MASP1: variants seen among roughly 807,000 people sequenced by gnomAD.
The protein encoded by MASP1 is MBL associated serine protease 1, also known as mannan-binding lectin serine protease 1.
Under a neutral mutation model 77.1 loss-of-function variants are expected in MASP1, and 59 were observed. The observed-to-expected ratio is 0.77, with a 90% CI of 0.62 to 0.95. The LOEUF (loss-of-function observed/expected upper bound fraction) is 0.95, where lower values mean the gene tolerates loss of function less well. Ranked by LOEUF, MASP1 falls within the 40% of genes least tolerant of loss-of-function variation. MASP1 has a pLI of 0.00. For synonymous variants in MASP1, 362 were observed against 354.5 expected (o/e 1.02, Z -0.24); for missense variants, 885 against 912.9 (o/e 0.97, Z 0.39).
At chr3:187,291,292 G>A (rs932848468) in intron 1 of MASP1, 4 of 442,392 alleles carry the variant, frequency 9.0e-6, no homozygotes, top group Non-Finnish European at 1.3e-5. Context: ...GGAGGAACAC[G>A]GAAAAATCAG....
intron 5 of MASP1, among the ~76,000 whole-genome samples, chr3:187,255,205 CA>C (rs1328768749): frequency 1.3e-5 from 2 of 152,132 alleles, no homozygotes; most frequent in African/African-American, 4.8e-5. Context: ...CAGCAGAAGT[CA>C]GGGAGATTTG....
chr3:187,234,930 A>G lies in MASP1; in HGVS notation c.*754T>C. 1 of 1,287,180 alleles carries G rather than the reference A, an allele frequency of 7.8e-7. No individual in the cohort carries two copies. The highest frequency in any genetic ancestry group is 1.0e-6 in the Non-Finnish European group (1 of 988,676). 79.7% of individuals were successfully genotyped at this position (1,287,180 alleles called of 1,614,324 possible). A position where few individuals can be genotyped will look rare whatever the true frequency, so the allele number is the denominator to read the frequency against. Reference sequence around the variant, plus strand: ...GTTCCAGGGTGGCATATGGGCCCAAATGTGTTCTGAGTTGACAATGGGAAT... The same window carrying G: ...GTTCCAGGGTGGCATATGGGCCCAAGTGTGTTCTGAGTTGACAATGGGAAT... On this transcript the variant is annotated 3_prime_UTR_variant, in exon 11 of 11. Transcript: ENST00000296280.
rs970864077 is a variant in MASP1 at position 187,234,842 on chromosome 3, G to C, written c.*842C>G. On this transcript the variant is annotated 3_prime_UTR_variant, in exon 11 of 11. Coordinates refer to ENST00000296280, the MANE Select transcript of MASP1 (RefSeq NM_139125.4). Reference sequence around the variant, plus strand: ...AGCCTTTCAGATAATACATTTCAAGGCTGAAAGATTGCTTTGTGCTTGTCT... The same window carrying C: ...AGCCTTTCAGATAATACATTTCAAGCCTGAAAGATTGCTTTGTGCTTGTCT... 18 of 1,287,126 alleles carry C rather than the reference G, an allele frequency of 1.4e-5. No homozygotes were observed. The highest frequency in any genetic ancestry group is 1.8e-5 in the Non-Finnish European group (18 of 988,712). The allele number at this position is 1,287,126 out of a possible 1,614,324, so 79.7% of individuals were successfully genotyped here. A position where few individuals can be genotyped will look rare whatever the true frequency, so the allele number is the denominator to read the frequency against.
At chr3:187,256,572 G>A (rs775983011) in intron 5 of MASP1, 92 bp downstream of exon 5, 30 of 1,190,274 alleles carry the variant, frequency 2.5e-5, no homozygotes, top group Admixed American at 3.6e-5. Flanking sequence ...CTCTATCCTG[G>A]GAGAAGAAGG....
At chr3:187,286,795 G>A (rs548562302) in intron 1 of MASP1, among the ~76,000 whole-genome samples, 2 of 152,194 alleles carry the variant, frequency 1.3e-5, no homozygotes, top group East Asian at 1.9e-4. Flanking sequence ...CTAACAGACC[G>A]ATTCCCCTGT....
At chr3:187,268,132 A>G (rs1716196144) in intron 2 of MASP1, among the ~76,000 whole-genome samples, 1 of 152,222 alleles carries the variant, frequency 6.6e-6, no homozygotes, top group Non-Finnish European at 1.5e-5. Flanking sequence ...CACTTGAATA[A>G]TGCAATGGTG....
intron 2 of MASP1, among the ~76,000 whole-genome samples, chr3:187,278,594 T>G (rs1717153622): frequency 6.6e-6 from 1 of 151,886 alleles, no homozygotes. Flanking sequence ...TGCACTTCAG[T>G]GCACTCTATA....
chr3:187,228,520 G>A (rs1420346920), intron 11 of MASP1, among the ~76,000 whole-genome samples: 1 of 151,936 alleles, frequency 6.6e-6, no homozygotes, highest in Non-Finnish European at 1.5e-5. Context: ...TCTTGTGCCC[G>A]CCAGTACCTC....
At chr3:187,268,123 A>G (rs536649295) in intron 2 of MASP1, among the ~76,000 whole-genome samples, 1 of 152,204 alleles carries the variant, frequency 6.6e-6, no homozygotes, top group African/African-American at 2.4e-5. Context: ...AAAACAGACC[A>G]CTTGAATAAT....
chr3:187,243,001 T>C (rs1283717036), intron 9 of MASP1: 2 of 217,604 alleles, frequency 9.2e-6, no homozygotes, highest in South Asian at 1.5e-4. Flanking sequence ...GTCCCTTACC[T>C]GCTGAATGGG....
intron 12 of MASP1, chr3:187,226,179 T>C (rs1361458896): frequency 5.4e-6 from 3 of 554,388 alleles, no homozygotes; most frequent in East Asian, 3.2e-5. Flanking sequence ...GGCCTCCTCA[T>C]TTTATCGTTG....
intron 6 of MASP1, among the ~76,000 whole-genome samples, chr3:187,252,218 C>G (rs1011230560): frequency 6.6e-5 from 10 of 152,334 alleles, no homozygotes; most frequent in Non-Finnish European, 1.2e-4. Context: ...TGACAGGGAG[C>G]TCAATGCCTC....
At chr3:187,290,223 G>A (rs1324470756) in intron 1 of MASP1, among the ~76,000 whole-genome samples, 1 of 152,120 alleles carries the variant, frequency 6.6e-6, no homozygotes, top group African/African-American at 2.4e-5. Flanking sequence ...AAAGGACAAA[G>A]GAGGGGATGC....
chr3:187,266,866 G>A (rs2108573103), intron 2 of MASP1, among the ~76,000 whole-genome samples: 1 of 152,282 alleles, frequency 6.6e-6, no homozygotes, highest in African/African-American at 2.4e-5. Flanking sequence ...TGGAAGAACA[G>A]CTACTCTATG....
downstream of MASP1, among the ~76,000 whole-genome samples, chr3:187,230,237 CAT>C (rs1050119943): frequency 2.6e-5 from 4 of 152,180 alleles, no homozygotes; most frequent in African/African-American, 9.6e-5. Flanking sequence ...TTTCGCTAAA[CAT>C]ATTACAGAAG....
intron 5 of MASP1, among the ~76,000 whole-genome samples, chr3:187,255,981 C>T (rs1250241884): frequency 3.3e-5 from 5 of 152,140 alleles, no homozygotes; most frequent in African/African-American, 4.8e-5. Flanking sequence ...CTTGGCTGAT[C>T]ACTCTATAAG....
intron 3 of MASP1, among the ~76,000 whole-genome samples, chr3:187,261,658 C>G (rs535899763): frequency 1.8e-4 from 28 of 152,206 alleles, no homozygotes; most frequent in Non-Finnish European, 3.5e-4. Flanking sequence ...TGGAAAAGGT[C>G]TGGCAATGTC....
chr3:187,291,295 A>G, intron 1 of MASP1: 1 of 449,106 alleles, frequency 2.2e-6, no homozygotes, highest in Non-Finnish European at 4.2e-6. Context: ...GGAACACGGA[A>G]AAATCAGCCT....
chr3:187,278,207 A>G (rs1717116973), intron 2 of MASP1, among the ~76,000 whole-genome samples: 1 of 152,252 alleles, frequency 6.6e-6, no homozygotes, highest in Admixed American at 6.5e-5. Context: ...TGCTCCAGTA[A>G]GAAGTGGAGG....
Sources: gnomAD v4.1 joint callset for allele counts (sites outside exome capture counted in the v4.1 genomes callset) on GRCh38, gnomAD v4.1.1 for gene constraint, MANE v1.5 for transcripts, NCBI Gene and HGNC (gene_info 2026-07-23, HGNC 2026-07-21) for gene names.